Variants in FAM83B observed in about 807,000 individuals in gnomAD.
FAM83B encodes protein FAM83B.
Under a neutral mutation model 38.8 loss-of-function variants are expected in FAM83B, and 26 were observed. The observed-to-expected ratio is 0.67, with a 90% confidence interval of 0.49 to 0.93. FAM83B has a LOEUF of 0.93. Among genes scored for constraint, FAM83B ranks in the 40% least tolerant of loss-of-function variants. The probability of loss-of-function intolerance (pLI) is 0.00; values close to 1 mark genes in which losing one functional copy is unlikely to be tolerated. For synonymous variants in FAM83B, 419 were observed against 423.1 expected, an observed-to-expected ratio of 0.99 and a Z score of 0.12; for missense variants, 1,237 against 1,197.3, an observed-to-expected ratio of 1.03 and a Z score of -0.49.
chr6:54,898,658 A>G (rs1299732590), intron 2 of FAM83B, among the ~76,000 whole-genome samples: 1 of 152,158 alleles, frequency 6.6e-6, no homozygotes, highest in African/African-American at 2.4e-5. Flanking sequence ...CTAACAACTC[A>G]TTCAACATAG....
intron 2 of FAM83B, among the ~76,000 whole-genome samples, chr6:54,876,278 C>CAT (rs3996949): frequency 0.029 from 2,760 of 94,798 alleles, 27 homozygotes; most frequent in Non-Finnish European, 0.037. Flanking sequence ...TTTAGGAGTG[C>CAT]ATATATATAT....
chr6:54,930,805 A>G (rs959223152), intron 4 of FAM83B, among the ~76,000 whole-genome samples: 3 of 151,964 alleles, frequency 2.0e-5, no homozygotes, highest in African/African-American at 7.2e-5. Flanking sequence ...TTTAGCTTTA[A>G]AAAAATGTTT....
At chr6:54,846,708 C>T (rs1771142203), upstream of FAM83B, 1 of 152,236 alleles carries the variant, frequency 6.6e-6, no homozygotes, top group Non-Finnish European at 1.5e-5. Context: ...GGACCTGACG[C>T]TGGGCAGGTA....
intron 2 of FAM83B, among the ~76,000 whole-genome samples, chr6:54,893,722 TA>T (rs1772456344): frequency 6.6e-6 from 1 of 152,164 alleles, no homozygotes; most frequent in African/African-American, 2.4e-5. Context: ...TAAGCATAGA[TA>T]TATATAGATA....
rs74687004 is a variant in FAM83B at position 54,889,112 on chromosome 6, A to G, written c.444+18422A>G. Among the ~76,000 whole-genome samples, 1,044 of 152,044 alleles carry G rather than the reference A, an allele frequency of 6.9e-3. 21 individuals carry two copies. The highest frequency in any genetic ancestry group is 0.046 in the East Asian group (236 of 5,176). On this transcript the variant is annotated intron_variant, in intron 2 of 4. Coordinates refer to ENST00000306858, the MANE Select transcript of FAM83B (RefSeq NM_001010872.3). ...TCAGTCCTATAATTCTCATTAGTCT[A>G]TGTATTCAGTTCTCTGTTGAAATTT...
At chr6:54,923,483 G>T (rs1462234792) in intron 2 of FAM83B, among the ~76,000 whole-genome samples, 1 of 152,164 alleles carries the variant, frequency 6.6e-6, no homozygotes, top group East Asian at 1.9e-4. Context: ...CTAGAGGCTT[G>T]CCACCAAACA....
Position 54,941,708 on chromosome 6 carries a change from ACTT to A in FAM83B, c.2743_2745del (p.Ser915del), listed in dbSNP as rs763468459. 6.8e-6 allele frequency: 11 copies of A among 1,614,070 alleles called. No individual in the cohort carries two copies. Among genetic ancestry groups the A allele is most frequent in the South Asian group, 5.5e-5 (5 of 91,080 alleles). ...AGTTGTTACCCCTGAAAGAAGACCT[ACTT>A]CTTCTCCAAGGCCAACGTCCAGTGA... On this transcript the variant is annotated inframe_deletion, in exon 5 of 5. Transcript: ENST00000306858.
intron 2 of FAM83B, among the ~76,000 whole-genome samples, chr6:54,919,230 G>C (rs1434649967): frequency 6.6e-6 from 1 of 151,986 alleles, no homozygotes; most frequent in Non-Finnish European, 1.5e-5. Context: ...TAGAGCAAAA[G>C]TTCCTTTAAA....
chr6:54,847,813 G>T (rs1356722748), intron 1 of FAM83B, among the ~76,000 whole-genome samples: 1 of 152,192 alleles, frequency 6.6e-6, no homozygotes, highest in Non-Finnish European at 1.5e-5. Flanking sequence ...TGACCTAGAA[G>T]TGGAAATGAG....
rs769300499 is a variant in FAM83B at position 54,870,541 on chromosome 6, G to A, written c.295G>A (p.Val99Met). The change falls in exon 2 of 5, where the codon GTG becomes ATG. Residue 99 changes from valine to methionine, a missense_variant. Coordinates refer to ENST00000306858, the MANE Select transcript of FAM83B (RefSeq NM_001010872.3). The part of the protein sequence containing the change: ...SGTYWPVESD[V>M]EAPNLDLGWP... ...GACCTACTGGCCTGTTGAGTCTGAT[G>A]TGGAAGCTCCAAATCTTGACTTAGG... 3 of 1,613,966 alleles carry A rather than the reference G, an allele frequency of 1.9e-6. No homozygotes were observed. Among genetic ancestry groups the A allele is most frequent in the Non-Finnish European group, 2.5e-6 (3 of 1,179,992 alleles).
intron 2 of FAM83B, among the ~76,000 whole-genome samples, chr6:54,914,792 C>T (rs967331249): frequency 6.6e-6 from 1 of 152,128 alleles, no homozygotes; most frequent in Admixed American, 6.5e-5. Flanking sequence ...TCTGAGCCCT[C>T]ACTGACTGCA....
chr6:54,861,949 A>G (rs1165103562), intron 1 of FAM83B, among the ~76,000 whole-genome samples: 1 of 152,128 alleles, frequency 6.6e-6, no homozygotes, highest in African/African-American at 2.4e-5. Flanking sequence ...ATCTTTAACT[A>G]GAGTCTGGAG....
At chr6:54,858,025 T>C (rs1771482622) in intron 1 of FAM83B, among the ~76,000 whole-genome samples, 1 of 152,058 alleles carries the variant, frequency 6.6e-6, no homozygotes, top group African/African-American at 2.4e-5. Context: ...ACCAACTGGA[T>C]ATGTGAGTCT....
rs755716380 is a variant in FAM83B at position 54,870,214 on chromosome 6, A to G, written c.-33A>G. ...ACTTCTCACCACTGCATGAATGGAC[A>G]TTTGAAAGTGCCATAGCCAAACACT... On this transcript the variant is annotated 5_prime_UTR_variant, in exon 2 of 5. Coordinates refer to ENST00000306858, the MANE Select transcript of FAM83B (RefSeq NM_001010872.3). 6.4e-7 allele frequency: 1 copy of G among 1,551,728 alleles called. No individual in the cohort carries two copies. Among genetic ancestry groups the G allele is most frequent in the Non-Finnish European group, 8.9e-7 (1 of 1,128,784 alleles).
chr6:54,941,351 G>T lies in FAM83B; in HGVS notation c.2380G>T (p.Ala794Ser), dbSNP rs763390203. The T allele has an allele frequency of 1.2e-6, 2 of 1,613,192 alleles. No homozygotes were observed. The highest frequency in any genetic ancestry group is 1.7e-6 in the Non-Finnish European group (2 of 1,179,828). Residue 794 changes from alanine to serine, a missense_variant, in exon 5 of 5, where the codon GCA (alanine) becomes TCA (serine). Transcript: ENST00000306858. ...DKKENLSKNKAPAFYRLCSSS... is the reference protein window; with the variant it reads ...DKKENLSKNKSPAFYRLCSSS... ...GAAAGAAAATCTATCCAAAAATAAA[G>T]CACCTGCCTTTTATAGATTGTGTAG...
intron 1 of FAM83B, among the ~76,000 whole-genome samples, chr6:54,856,134 C>T (rs1359723517): frequency 6.6e-6 from 1 of 152,130 alleles, no homozygotes; most frequent in African/African-American, 2.4e-5. Flanking sequence ...GTGAGGAGCC[C>T]TGTCTTTGAA....
intron 2 of FAM83B, among the ~76,000 whole-genome samples, chr6:54,871,707 C>CCCTCTAG (rs1443968518): frequency 7.1e-6 from 1 of 141,454 alleles, no homozygotes; most frequent in Non-Finnish European, 1.5e-5. Flanking sequence ...TGCGCCACTG[C>CCCTCTAG]CCTCTAGCCT....
intron 4 of FAM83B, among the ~76,000 whole-genome samples, chr6:54,933,565 AT>A (rs1435464494): frequency 6.6e-6 from 1 of 151,358 alleles, no homozygotes; most frequent in Admixed American, 6.6e-5. Context: ...ATGCCTTGTA[AT>A]TTTTTGCTAG....
intron 2 of FAM83B, among the ~76,000 whole-genome samples, chr6:54,883,497 G>T (rs142538476): frequency 0.025 from 3,767 of 151,456 alleles, 141 homozygotes; most frequent in African/African-American, 0.086. Context: ...ACCATGCCTG[G>T]CTAATTTTTT....
Sources: gnomAD v4.1 joint callset for allele counts (sites outside exome capture counted in the v4.1 genomes callset) on GRCh38, gnomAD v4.1.1 for gene constraint, MANE v1.5 for transcripts, NCBI Gene and HGNC (gene_info 2026-07-23, HGNC 2026-07-21) for gene names.